CATSPERB: variants seen among roughly 807,000 people sequenced by gnomAD.
CATSPERB encodes cation channel sperm-associated auxiliary subunit beta.
In CATSPERB, 93 loss-of-function variants were observed where a neutral mutation model predicts 128.3. That is an observed-to-expected ratio of 0.72 (90% CI 0.61 to 0.86). The LOEUF (loss-of-function observed/expected upper bound fraction) is 0.86, where lower values mean the gene tolerates loss of function less well. Ranked by LOEUF, CATSPERB falls within the 40% of genes least tolerant of loss-of-function variation. The probability of loss-of-function intolerance (pLI) is 0.00; values close to 1 mark genes in which losing one functional copy is unlikely to be tolerated. For missense variants in CATSPERB, 1,153 were observed against 1,329.5 expected (o/e 0.87, Z 2.06); for synonymous variants, 381 against 448.8 (o/e 0.85, Z 1.91).
At chr14:91,664,621 A>AC (rs1216882488) in intron 14 of CATSPERB, among the ~76,000 whole-genome samples, 1 of 152,050 alleles carries the variant, frequency 6.6e-6, no homozygotes, top group African/African-American at 2.4e-5. Context: ...GGATATACCA[A>AC]GTTTATTTGT....
chr14:91,692,259 A>G (rs1895486016), intron 9 of CATSPERB, among the ~76,000 whole-genome samples: 2 of 151,770 alleles, frequency 1.3e-5, no homozygotes, highest in South Asian at 4.2e-4. Flanking sequence ...CACACCCTCA[A>G]CCTATTATTT....
chr14:91,704,527 A>T, intron 7 of CATSPERB, 25 bp downstream of exon 7: 1 of 1,577,788 alleles, frequency 6.3e-7, no homozygotes, highest in Non-Finnish European at 8.6e-7. Flanking sequence ...GCCAATGTCA[A>T]CATTTAATGA....
intron 16 of CATSPERB, among the ~76,000 whole-genome samples, chr14:91,637,267 G>C (rs1192982244): frequency 6.6e-6 from 1 of 152,074 alleles, no homozygotes; most frequent in Non-Finnish European, 1.5e-5. Flanking sequence ...GTGCAGACTG[G>C]TTGGGGACAC....
At position 91,704,623 on chromosome 14, in the gene CATSPERB, A is replaced by G. The variant is rs1444502330; in HGVS notation, c.545T>C (p.Leu182Pro). 6.2e-7 allele frequency: 1 copy of G among 1,613,716 alleles called. No homozygotes were observed. Among genetic ancestry groups the G allele is most frequent in the South Asian group, 1.1e-5 (1 of 91,028 alleles). ...GGCACAGGGGCATTTTGTCACTTTG[A>G]GATCTACCACATGTGGATATAATTT... ...ISKLYPHVVD[L>P]KVTKCPCAND... The change falls in exon 7 of 27, where the codon CTC becomes CCC. Residue 182 changes from leucine to proline, a missense_variant. Leu to Pro is a moderately conservative substitution (Grantham distance 98, BLOSUM62 -3). Coordinates refer to ENST00000256343, the MANE Select transcript of CATSPERB (RefSeq NM_024764.4).
chr14:91,692,854 A>G (rs999429491), intron 9 of CATSPERB, among the ~76,000 whole-genome samples: 1 of 152,204 alleles, frequency 6.6e-6, no homozygotes, highest in African/African-American at 2.4e-5. Context: ...AAATGGATCA[A>G]TCAATAGGTA....
chr14:91,582,995 C>T (rs1449840997), intron 26 of CATSPERB, among the ~76,000 whole-genome samples: 2 of 152,186 alleles, frequency 1.3e-5, no homozygotes, highest in African/African-American at 2.4e-5. Flanking sequence ...TGGAGGTCCC[C>T]GGTTGGCAAA....
At chr14:91,611,865 A>G (rs905922775) in intron 20 of CATSPERB, among the ~76,000 whole-genome samples, 1 of 152,194 alleles carries the variant, frequency 6.6e-6, no homozygotes, top group Non-Finnish European at 1.5e-5. Flanking sequence ...ATACACAACA[A>G]AATTTATTTT....
chr14:91,660,003 A>G, intron 14 of CATSPERB, 22 bp from the exon 15 acceptor site: 1 of 1,552,284 alleles, frequency 6.4e-7, no homozygotes, highest in South Asian at 1.2e-5. Context: ...AAGAGATAAT[A>G]CCTTACTAAA....
rs534020131 is a variant in CATSPERB, at chr14:91,672,727, T to C, written c.1128+140A>G. The C allele has an allele frequency of 5.5e-4, 346 of 632,186 alleles. 2 individuals carry two copies. The highest frequency in any genetic ancestry group is 2.6e-4 in the East Asian group (9 of 34,492). The allele number at this position is 632,186 out of a possible 1,614,324, so 39.2% of individuals were successfully genotyped here. A position where few individuals can be genotyped will look rare whatever the true frequency, so the allele number is the denominator to read the frequency against. On this transcript the variant is annotated intron_variant, in intron 13 of 26. Transcript: ENST00000256343. ...ATCTCTAAAGTGTCAAGCTATATTA[T>C]TGATTTTAAATAATTTTGCTATAGC...
intron 21 of CATSPERB, among the ~76,000 whole-genome samples, chr14:91,608,806 G>A (rs1893764321): frequency 6.6e-6 from 1 of 152,046 alleles, no homozygotes; most frequent in African/African-American, 2.4e-5. Context: ...TTCTGACAAG[G>A]CAAAAGTTAA....
chr14:91,621,523 G>C (rs1032810760), intron 19 of CATSPERB, 85 bp downstream of exon 19: 6 of 1,098,738 alleles, frequency 5.5e-6, no homozygotes, highest in African/African-American at 3.2e-5. Flanking sequence ...CAAGGATAAA[G>C]TCAGTCAGTA....
intron 5 of CATSPERB, among the ~76,000 whole-genome samples, chr14:91,713,448 T>TA (rs1895876624): frequency 6.6e-6 from 1 of 152,024 alleles, no homozygotes; most frequent in East Asian, 1.9e-4. Flanking sequence ...ACTAATAATT[T>TA]AAAAAATACA....
In CATSPERB at chr14:91,580,946, C is replaced by T. The variant is rs1415793116; in HGVS notation, c.3294G>A (p.Glu1098=). ...CACTGAGAGAGATACTTGAAAACTT[C>T]TCTTGGTTTCTTCTAATCCATCTTT... ...TFQRWIRRNQ[E]KFSSISLSEL... is the part of the protein sequence containing the mutation. Residue 1098 remains glutamate, a synonymous_variant, in exon 27 of 27, where the codon GAG becomes GAA. Coordinates refer to ENST00000256343, the MANE Select transcript of CATSPERB (RefSeq NM_024764.4). 6.2e-6 allele frequency: 10 copies of T among 1,614,104 alleles called. No homozygotes were observed. Among genetic ancestry groups the T allele is most frequent in the Non-Finnish European group, 8.5e-6 (10 of 1,180,050 alleles).
At chr14:91,673,184 C>T (rs1895129242) in intron 12 of CATSPERB, among the ~76,000 whole-genome samples, 168 bp from the exon 13 acceptor site, 1 of 152,072 alleles carries the variant, frequency 6.6e-6, no homozygotes, top group Non-Finnish European at 1.5e-5. Flanking sequence ...CTTTAAACTC[C>T]CTGGTCTTAA....
At chr14:91,618,312 C>T (rs542573945) in intron 19 of CATSPERB, among the ~76,000 whole-genome samples, 102 of 152,262 alleles carry the variant, frequency 6.7e-4, no homozygotes, top group African/African-American at 2.4e-3. Context: ...GTATCTTGTG[C>T]TAACCTCGTA....
intron 7 of CATSPERB, among the ~76,000 whole-genome samples, chr14:91,699,490 CA>C (rs34776359): frequency 6.6e-6 from 1 of 151,392 alleles, no homozygotes; most frequent in Non-Finnish European, 1.5e-5. Context: ...TATTCCTAAG[CA>C]AAAAGAATAA....
At position 91,704,629 on chromosome 14, in the gene CATSPERB, A is replaced by G. The variant is rs1895706506; in HGVS notation, c.539T>C (p.Val180Ala). Residue 180 changes from valine to alanine, a missense_variant, in exon 7 of 27, where the codon GTA becomes GCA. By Grantham distance (64) the Val-to-Ala change is moderately conservative. Transcript: ENST00000256343. ...SEISKLYPHV[V>A]DLKVTKCPCA... Reference sequence around the variant, plus strand: ...GGGGCATTTTGTCACTTTGAGATCTACCACATGTGGATATAATTTACTGAT... The same window carrying G: ...GGGGCATTTTGTCACTTTGAGATCTGCCACATGTGGATATAATTTACTGAT... 6.2e-7 allele frequency: 1 copy of G among 1,613,140 alleles called. No individual in the cohort carries two copies. The highest frequency in any genetic ancestry group is 1.1e-5 in the South Asian group (1 of 90,998).
chr14:91,662,409 A>G (rs914621312), intron 14 of CATSPERB, among the ~76,000 whole-genome samples: 3 of 152,196 alleles, frequency 2.0e-5, no homozygotes, highest in African/African-American at 7.2e-5. Context: ...TTTCCATATA[A>G]TAGTTCATTA....
chr14:91,610,099 T>C (rs1893797052), intron 21 of CATSPERB, among the ~76,000 whole-genome samples: 2 of 152,208 alleles, frequency 1.3e-5, no homozygotes, highest in African/African-American at 4.8e-5. Flanking sequence ...AGAAGTCCAA[T>C]ATATTTCTTG....
Sources: allele counts gnomAD v4.1 joint callset (sites outside exome capture counted in the v4.1 genomes callset), GRCh38; gene constraint gnomAD v4.1.1; transcripts MANE v1.5; gene names NCBI Gene and HGNC (gene_info 2026-07-23, HGNC 2026-07-21).